Variants in GAB2 observed in about 807,000 individuals in gnomAD.
The protein encoded by GAB2 is GRB2 associated binding protein 2.
Under a neutral mutation model 65.5 loss-of-function variants are expected in GAB2, and 26 were observed. The ratio of observed to expected loss-of-function variants is 0.40; its 90% CI spans 0.29 to 0.55. The LOEUF (loss-of-function observed/expected upper bound fraction) is 0.55. GAB2 is among the 20% of genes least tolerant of loss of function. GAB2 has a pLI of 0.53. For synonymous variants in GAB2, 321 were observed against 329.6 expected, an observed-to-expected ratio of 0.97 and a Z score of 0.28; for missense variants, 884 against 875.8, an observed-to-expected ratio of 1.01 and a Z score of -0.12.
At chr11:78,330,185 G>A (rs1415411896) in intron 1 of GAB2, among the ~76,000 whole-genome samples, 1 of 152,096 alleles carries the variant, frequency 6.6e-6, no homozygotes, top group Non-Finnish European at 1.5e-5. Context: ...TGTCCTAGGA[G>A]GTCACCTATG....
intron 1 of GAB2, among the ~76,000 whole-genome samples, chr11:78,284,523 C>T (rs1351057793): frequency 1.3e-5 from 2 of 152,220 alleles, no homozygotes; most frequent in Admixed American, 6.5e-5. Context: ...GGCCACGTGG[C>T]CTTACACAGT....
At chr11:78,373,592 A>G (rs1856598739) in intron 1 of GAB2, among the ~76,000 whole-genome samples, 1 of 152,194 alleles carries the variant, frequency 6.6e-6, no homozygotes, top group Non-Finnish European at 1.5e-5. Context: ...AAAAAGGTCA[A>G]AGTTTCTAAA....
intron 1 of GAB2, among the ~76,000 whole-genome samples, chr11:78,394,786 C>T (rs890591085): frequency 6.6e-6 from 1 of 152,128 alleles, no homozygotes; most frequent in African/African-American, 2.4e-5. Flanking sequence ...AGCAAGTGGA[C>T]CAGGGCCAGG....
chr11:78,346,317 T>A (rs1054106464), intron 1 of GAB2, among the ~76,000 whole-genome samples: 5 of 152,110 alleles, frequency 3.3e-5, no homozygotes, highest in Non-Finnish European at 7.4e-5. Flanking sequence ...AGACTTTTTA[T>A]GAGTATCATC....
intron 1 of GAB2, among the ~76,000 whole-genome samples, chr11:78,391,514 C>T: frequency 6.6e-6 from 1 of 152,178 alleles, no homozygotes; most frequent in South Asian, 2.1e-4. Context: ...AAGACATTCA[C>T]TCTTGGAGCC....
At chr11:78,381,945 A>AT (rs1856703219) in intron 1 of GAB2, among the ~76,000 whole-genome samples, 1 of 152,222 alleles carries the variant, frequency 6.6e-6, no homozygotes, top group Admixed American at 6.5e-5. Flanking sequence ...AGCATATGAG[A>AT]ATCTTCATAA....
intron 5 of GAB2, among the ~76,000 whole-genome samples, chr11:78,224,281 T>A (rs531270067): frequency 3.9e-4 from 60 of 152,276 alleles, no homozygotes; most frequent in African/African-American, 1.4e-3. Flanking sequence ...GTCCATAGAC[T>A]GTAGGTTTGG....
chr11:78,258,682 C>T (rs1168995888), intron 2 of GAB2, among the ~76,000 whole-genome samples: 3 of 151,618 alleles, frequency 2.0e-5, no homozygotes, highest in Admixed American at 2.0e-4. Context: ...ATTGCAGCCT[C>T]GACCTCCTGG....
At chr11:78,357,909 T>C (rs1410754459) in intron 1 of GAB2, among the ~76,000 whole-genome samples, 1 of 152,278 alleles carries the variant, frequency 6.6e-6, no homozygotes, top group East Asian at 1.9e-4. Flanking sequence ...GATCTAGAAC[T>C]AGAAATACCA....
chr11:78,293,005 C>T (rs1050146158), intron 1 of GAB2, among the ~76,000 whole-genome samples: 3 of 152,226 alleles, frequency 2.0e-5, no homozygotes, highest in Non-Finnish European at 4.4e-5. Flanking sequence ...GGTGAAGCTA[C>T]TGCAGATGAA....
In GAB2 at chr11:78,337,336, C is replaced by G. The variant is rs192309463; in HGVS notation, c.76-56435G>C. Reference sequence around the variant, plus strand: ...AATATGCAAAAGGCACCAGAAGCTACTATGCGGGGGTTTCCTTTTTGCTGT... The same window carrying G: ...AATATGCAAAAGGCACCAGAAGCTAGTATGCGGGGGTTTCCTTTTTGCTGT... On this transcript the variant is annotated intron_variant, in intron 1 of 9. Transcript: ENST00000361507. Among the ~76,000 whole-genome samples the G allele has an allele frequency of 1.2e-3, 187 of 152,268 alleles. 3 individuals carry two copies. The highest frequency in any genetic ancestry group is 6.5e-4 in the Non-Finnish European group (44 of 68,026).
At chr11:78,318,633 C>T (rs1274955486) in intron 1 of GAB2, among the ~76,000 whole-genome samples, 1 of 152,074 alleles carries the variant, frequency 6.6e-6, no homozygotes, top group Non-Finnish European at 1.5e-5. Context: ...CAGATAAAGG[C>T]AGGAATGGTA....
chr11:78,338,290 T>G (rs1450099108), intron 1 of GAB2, among the ~76,000 whole-genome samples: 1 of 152,136 alleles, frequency 6.6e-6, no homozygotes, highest in Non-Finnish European at 1.5e-5. Flanking sequence ...TAACTGGAGG[T>G]ATCCACATGT....
intron 1 of GAB2, among the ~76,000 whole-genome samples, chr11:78,331,710 T>C (rs1367368203): frequency 6.6e-6 from 1 of 152,010 alleles, no homozygotes; most frequent in Admixed American, 6.5e-5. Flanking sequence ...GTGCCCACGC[T>C]GCTCTGGGCC....
At chr11:78,384,377 A>G (rs1052653402) in intron 1 of GAB2, among the ~76,000 whole-genome samples, 2 of 152,226 alleles carry the variant, frequency 1.3e-5, no homozygotes, top group African/African-American at 2.4e-5. Flanking sequence ...AGCTTCCATT[A>G]TCATGAAGCA....
chr11:78,364,258 G>A (rs1016192574), intron 1 of GAB2, among the ~76,000 whole-genome samples: 1 of 152,030 alleles, frequency 6.6e-6, no homozygotes, highest in Non-Finnish European at 1.5e-5. Context: ...TCCCACCTCC[G>A]CCTCCCAAAG....
chr11:78,404,513 C>T (rs1013251417), intron 1 of GAB2, among the ~76,000 whole-genome samples: 1 of 152,252 alleles, frequency 6.6e-6, no homozygotes, highest in East Asian at 1.9e-4. Flanking sequence ...TACCACTACA[C>T]CTCTTGGTAA....
intron 1 of GAB2, among the ~76,000 whole-genome samples, chr11:78,346,982 A>T (rs1856202015): frequency 6.6e-6 from 1 of 151,966 alleles, no homozygotes; most frequent in Non-Finnish European, 1.5e-5. Context: ...GAGGGAAAGC[A>T]GACTGACTCA....
intron 1 of GAB2, among the ~76,000 whole-genome samples, chr11:78,319,049 C>T (rs1855672084): frequency 6.6e-6 from 1 of 152,168 alleles, no homozygotes; most frequent in Non-Finnish European, 1.5e-5. Flanking sequence ...TGCTGCTGCA[C>T]AACAGAGGTG....
Sources: gnomAD v4.1 joint callset for allele counts (sites outside exome capture counted in the v4.1 genomes callset) on GRCh38, gnomAD v4.1.1 for gene constraint, MANE v1.5 for transcripts, NCBI Gene and HGNC (gene_info 2026-07-23, HGNC 2026-07-21) for gene names.